Variants in PHYKPL observed in about 807,000 individuals in gnomAD.
PHYKPL encodes 5-phosphonooxy-L-lysine phospho-lyase.
PHYKPL carries 42 observed loss-of-function variants against 51.3 expected under a neutral mutation model. The ratio of observed to expected loss-of-function variants is 0.82; its 90% confidence interval spans 0.64 to 1.06. The LOEUF is 1.06. PHYKPL is among the 50% of genes least tolerant of loss of function. PHYKPL has a pLI of 0.00. For missense variants in PHYKPL, 655 were observed against 586.6 expected (o/e 1.12, Z -1.20); for synonymous variants, 264 against 236.0 (o/e 1.12, Z -1.09).
Position 178,210,692 on chromosome 5 carries a change from T to C in PHYKPL, c.*31+1198A>G, listed in dbSNP as rs1758003029. ...TGGATATGGAGTGAACACAATTATG[T>C]ACCAAATTTAACTTGGCAAACTTTC... On this transcript the variant is annotated intron_variant, in intron 12 of 12. Coordinates refer to ENST00000308158, the MANE Select transcript of PHYKPL (RefSeq NM_153373.4). 4 of 1,257,776 alleles carry C rather than the reference T, an allele frequency of 3.2e-6. No individual in the cohort carries two copies. In the Admixed American group the frequency reaches 6.8e-5, roughly 22 times the overall value. The allele number at this position is 1,257,776 out of a possible 1,614,324, so 77.9% of individuals were successfully genotyped here.
intron 12 of PHYKPL, chr5:178,210,298 T>A (rs1757824994): frequency 6.2e-7 from 1 of 1,613,860 alleles, no homozygotes; most frequent in East Asian, 2.2e-5. Flanking sequence ...GGAGGCCCCA[T>A]CCGCTCACCC....
At chr5:178,229,842 G>A (rs1301546285) in intron 3 of PHYKPL, 98 bp downstream of exon 3, 4 of 1,481,084 alleles carry the variant, frequency 2.7e-6, no homozygotes, top group Non-Finnish European at 3.7e-6. Flanking sequence ...GCCTCTCCGA[G>A]TCCACACTCG....
In PHYKPL at chr5:178,224,743, G is replaced by A; in HGVS notation, c.414-14C>T. 9 of 1,605,698 alleles carry A rather than the reference G, an allele frequency of 5.6e-6. No individual in the cohort carries two copies. The highest frequency in any genetic ancestry group is 6.8e-6 in the Non-Finnish European group (8 of 1,173,206). On this transcript the variant is annotated splice_polypyrimidine_tract_variant and intron_variant, in intron 4 of 12. Coordinates refer to ENST00000308158, the MANE Select transcript of PHYKPL (RefSeq NM_153373.4). ...CCGTGATACGCACTGGGGAGGAGAAGGGAGGGTAGGCTCGGGTCCGGGCAG... is the reference window on the plus strand; with the variant it reads ...CCGTGATACGCACTGGGGAGGAGAAAGGAGGGTAGGCTCGGGTCCGGGCAG...
At chr5:178,227,184 C>T (rs2113995781) in intron 3 of PHYKPL, among the ~76,000 whole-genome samples, 1 of 152,040 alleles carries the variant, frequency 6.6e-6, no homozygotes, top group East Asian at 1.9e-4. Context: ...GTCAGGGGGC[C>T]CCTCATCCAA....
rs141079773 is a variant in PHYKPL at position 178,222,521 on chromosome 5, C to T, written c.761G>A (p.Arg254Gln). 40 of 1,614,248 alleles carry T rather than the reference C, an allele frequency of 2.5e-5. No individual in the cohort carries two copies. The highest frequency in any genetic ancestry group is 6.7e-5 in the East Asian group (3 of 44,882). The change falls in exon 8 of 13, where the codon CGG becomes CAG. Residue 254 changes from arginine (R) to glutamine (Q), a missense_variant. Transcript: ENST00000308158. ...GAAGGCCCAGAAGTGCTTGCCTACC[C>T]GGCCAAAGCCAACCTGGATCTCATC... ...VADEIQVGFGRVGKHFWAFQL... is the reference protein window; with the variant it reads ...VADEIQVGFGQVGKHFWAFQL...
At chr5:178,214,601 T>G (rs1392959666) in intron 10 of PHYKPL, among the ~76,000 whole-genome samples, 195 bp downstream of exon 10, 1 of 152,088 alleles carries the variant, frequency 6.6e-6, no homozygotes, top group Non-Finnish European at 1.5e-5. Context: ...CTAACACCAC[T>G]TATCTCTGTC....
At chr5:178,218,546 C>T (rs935154583) in intron 8 of PHYKPL, among the ~76,000 whole-genome samples, 1 of 152,158 alleles carries the variant, frequency 6.6e-6, no homozygotes, top group African/African-American at 2.4e-5. Flanking sequence ...ATATGAGGTA[C>T]AGCGAGAAGC....
intron 12 of PHYKPL, chr5:178,210,952 C>T (rs191173707): frequency 2.5e-5 from 8 of 319,914 alleles, no homozygotes; most frequent in Admixed American, 9.2e-5. Flanking sequence ...TAAATTGTAT[C>T]TTAGGAAACC....
intron 12 of PHYKPL, chr5:178,210,308 C>T: frequency 6.2e-7 from 1 of 1,613,550 alleles, no homozygotes; most frequent in African/African-American, 1.3e-5. Flanking sequence ...TCCGCTCACC[C>T]CTCGTCCCCA....
At position 178,231,630 on chromosome 5, in the gene PHYKPL, G is replaced by A. The variant is rs541504516; in HGVS notation, c.60-107C>T. 8 of 1,606,468 alleles carry A rather than the reference G, an allele frequency of 5.0e-6. No homozygotes were observed. The African/African-American group carries it at 6.7e-5, about 13-fold the overall frequency. ...CCTTCCCAGTTTCTGGTGGCGGGGG[G>A]GAAATGAGAGCTGGAAGGGCAAGGT... On this transcript the variant is annotated intron_variant, in intron 1 of 12. Transcript: ENST00000308158.
At position 178,230,167 on chromosome 5, in the gene PHYKPL, C is replaced by G. The variant is rs982538028; in HGVS notation, c.179-68G>C. Reference sequence around the variant, plus strand: ...CCAGTCCCACTGGGCCTCCCCCAGCCCCAAGCTATAAACCCAGCCAGAAGA... The same window carrying G: ...CCAGTCCCACTGGGCCTCCCCCAGCGCCAAGCTATAAACCCAGCCAGAAGA... On this transcript the variant is annotated intron_variant, in intron 2 of 12. Coordinates refer to ENST00000308158, the MANE Select transcript of PHYKPL (RefSeq NM_153373.4). The G allele has an allele frequency of 7.6e-5, 121 of 1,593,586 alleles. No homozygotes were observed. The African/African-American group carries it at 1.5e-3, about 20-fold the overall frequency.
intron 3 of PHYKPL, among the ~76,000 whole-genome samples, chr5:178,227,454 T>TGACTC (rs2114002080): frequency 6.6e-6 from 1 of 152,304 alleles, no homozygotes; most frequent in African/African-American, 2.4e-5. Flanking sequence ...GGGAAGCGTC[T>TGACTC]ATGGGGAGGT....
chr5:178,215,511 C>A, intron 8 of PHYKPL, 81 bp from the exon 9 acceptor site: 1 of 1,492,774 alleles, frequency 6.7e-7, no homozygotes, highest in Non-Finnish European at 9.0e-7. Context: ...AGAAGAACTG[C>A]CACACGTGTT....
At chr5:178,211,469 A>T (rs1758388574) in intron 12 of PHYKPL, 1 of 160,098 alleles carries the variant, frequency 6.2e-6, no homozygotes, top group Non-Finnish European at 1.4e-5. Flanking sequence ...GAATGAAAAA[A>T]TGGGATTCTT....
exon 13 of PHYKPL, chr5:178,208,468 TAGTG>T (rs1459069326): frequency 2.0e-5 from 3 of 152,172 alleles, no homozygotes; most frequent in Non-Finnish European, 4.4e-5. Flanking sequence ...AAACTACTGG[TAGTG>T]AGTCTTAGGA....
At chr5:178,219,777 A>C (rs1009236775) in intron 8 of PHYKPL, among the ~76,000 whole-genome samples, 14 of 152,234 alleles carry the variant, frequency 9.2e-5, no homozygotes, top group African/African-American at 3.4e-4. Context: ...TGAAGAGCAA[A>C]CAAATGGTCA....
intron 8 of PHYKPL, among the ~76,000 whole-genome samples, chr5:178,222,119 T>G (rs1428952789): frequency 6.6e-6 from 1 of 152,210 alleles, no homozygotes; most frequent in Non-Finnish European, 1.5e-5. Context: ...GACTCCTATT[T>G]TTGTATATAT....
intron 8 of PHYKPL, among the ~76,000 whole-genome samples, chr5:178,221,395 C>G (rs1056916525): frequency 1.3e-5 from 2 of 152,064 alleles, no homozygotes; most frequent in African/African-American, 2.4e-5. Context: ...GTCCTTTGTG[C>G]TCTCACAGCA....
intron 12 of PHYKPL, chr5:178,210,699 T>A (rs1166604819): frequency 2.5e-6 from 3 of 1,196,750 alleles, no homozygotes; most frequent in Non-Finnish European, 3.7e-6. Flanking sequence ...ATGTACCAAA[T>A]TTAACTTGGC....
Sources: gnomAD v4.1 joint callset for allele counts (sites outside exome capture counted in the v4.1 genomes callset) on GRCh38, gnomAD v4.1.1 for gene constraint, MANE v1.5 for transcripts, NCBI Gene and HGNC (gene_info 2026-07-23, HGNC 2026-07-21) for gene names.